The following EMILIN2 variants were observed in gnomAD, a reference collection of about 807,000 sequenced individuals.
EMILIN2 encodes EMILIN-2.
A neutral mutation model predicts 87.1 loss-of-function variants in EMILIN2; 71 were observed. That is an observed-to-expected ratio of 0.82 (90% CI 0.67 to 0.99). The LOEUF is 0.99. Among genes scored for constraint, EMILIN2 ranks in the 50% least tolerant of loss-of-function variants. The probability of loss-of-function intolerance (pLI) is 0.00; values close to 1 mark genes in which losing one functional copy is unlikely to be tolerated. For synonymous variants in EMILIN2, 581 were observed against 563.4 expected (o/e 1.03, Z -0.44); for missense variants, 1,407 against 1,371.8 (o/e 1.03, Z -0.40).
At chr18:2,904,727 GGT>G (rs1277979930) in intron 4 of EMILIN2, among the ~76,000 whole-genome samples, 1 of 152,066 alleles carries the variant, frequency 6.6e-6, no homozygotes, top group Non-Finnish European at 1.5e-5. Context: ...TTCTTTAGTT[GGT>G]GTGGCTTGCT....
rs1555667073 is a variant in EMILIN2, at chr18:2,874,771, A to AC, written c.258-10193_258-10192insC. Among the ~76,000 whole-genome samples the AC allele has an allele frequency of 1.2e-3, 188 of 152,228 alleles. 1 individual carries two copies. Among genetic ancestry groups the AC allele is most frequent in the Non-Finnish European group, 2.2e-3 (149 of 67,984 alleles). ...AGTGTTCCTGTGTTTTCAAATCTAG[A>AC]TTTTTTAAAAACGAGAAGAAATTTT... On this transcript the variant is annotated intron_variant, in intron 2 of 7. Transcript: ENST00000254528.
At chr18:2,906,569 G>A in intron 4 of EMILIN2, 3 of 373,964 alleles carry the variant, frequency 8.0e-6, no homozygotes, top group East Asian at 4.0e-5. Flanking sequence ...CCCCGGCCCC[G>A]GGCAGGGGTC....
intron 2 of EMILIN2, among the ~76,000 whole-genome samples, chr18:2,853,551 G>T (rs180981204): frequency 2.6e-5 from 4 of 152,162 alleles, no homozygotes; most frequent in Non-Finnish European, 4.4e-5. Context: ...AAAGTGCATC[G>T]TGAGAATGTG....
intron 2 of EMILIN2, among the ~76,000 whole-genome samples, chr18:2,861,543 A>G (rs56413934): frequency 0.054 from 8,220 of 152,188 alleles, 745 homozygotes; most frequent in East Asian, 0.48. Flanking sequence ...AGATAGTTGT[A>G]GATATGCAGC....
intron 4 of EMILIN2, among the ~76,000 whole-genome samples, chr18:2,896,490 T>G (rs2076864355): frequency 6.6e-6 from 1 of 151,876 alleles, no homozygotes; most frequent in Non-Finnish European, 1.5e-5. Context: ...ATATATATAT[T>G]TGAGACAGGA....
chr18:2,849,169 T>C (rs1197450678), intron 2 of EMILIN2, among the ~76,000 whole-genome samples: 3 of 152,278 alleles, frequency 2.0e-5, no homozygotes, highest in African/African-American at 2.4e-5. Context: ...CTTAGTAAGA[T>C]TGAGACCTCA....
Position 2,891,567 on chromosome 18 carries a change from T to TG in EMILIN2, c.1442dup (p.Glu482ArgfsTer4). On this transcript the variant is annotated frameshift_variant, in exon 4 of 8. Transcript: ENST00000254528. LOFTEE classifies it high-confidence loss of function. The surrounding 1 kb of genome is among the most constrained non-coding windows in gnomAD (Gnocchi z 4.6). ...AGGAAACCCTTCGGGGCGCCATTAA[T>TG]GGAGAGGTGGGTGACTTGAAGCAGC... 1.2e-6 allele frequency: 2 copies of TG among 1,614,012 alleles called. No individual in the cohort carries two copies. Among genetic ancestry groups the TG allele is most frequent in the South Asian group, 1.1e-5 (1 of 91,078 alleles).
intron 2 of EMILIN2, among the ~76,000 whole-genome samples, chr18:2,884,283 G>A (rs932512263): frequency 5.9e-5 from 9 of 151,724 alleles, no homozygotes; most frequent in East Asian, 1.9e-4. Context: ...AGACAGTCTC[G>A]CTGTGTCTCC....
rs150535335 is a variant in EMILIN2 at position 2,891,217 on chromosome 18, G to A, written c.1090G>A (p.Gly364Arg). The change falls in exon 4 of 8, where the codon GGA becomes AGA. Residue 364 changes from glycine (G) to arginine (R), a missense_variant. Physicochemically the swap from Gly to Arg is moderately radical, Grantham distance 125. Transcript: ENST00000254528. This position sits in a 1 kb window ranked among gnomAD's most constrained non-coding sequence, Gnocchi z 4.6. ...QCDDYGSSYL[G>R]VIELIGEKET... Reference sequence around the variant, plus strand: ...TGATGACTATGGGAGCAGCTACCTGGGAGTGATAGAGCTCATAGGGGAGAA... The same window carrying A: ...TGATGACTATGGGAGCAGCTACCTGAGAGTGATAGAGCTCATAGGGGAGAA... 129 of 1,614,176 alleles carry A rather than the reference G, an allele frequency of 8.0e-5. No individual in the cohort carries two copies. In the African/African-American group the frequency reaches 1.5e-3, roughly 19 times the overall value.
At position 2,892,277 on chromosome 18, in the gene EMILIN2, A is replaced by G; in HGVS notation, c.2150A>G (p.Asp717Gly). Residue 717 changes from aspartate (D) to glycine (G), a missense_variant, in exon 4 of 8, where the codon GAC (aspartate) becomes GGC (glycine). Physicochemically the swap from Asp to Gly is moderately conservative, Grantham distance 94 (BLOSUM62 -1). Transcript: ENST00000254528. ...ATGGAGAAAACTTGCAGCAAGCTGG[A>G]CTCTATCTCAGGAAATCTTCAGAGG... ...SHMEKTCSKL[D>G]SISGNLQRIK... The G allele has an allele frequency of 6.2e-7, 1 of 1,614,044 alleles. No individual in the cohort carries two copies. Among genetic ancestry groups the G allele is most frequent in the Non-Finnish European group, 8.5e-7 (1 of 1,179,988 alleles).
At chr18:2,908,854 TTG>T (rs2076927259) in intron 5 of EMILIN2, 87 bp from the exon 6 acceptor site, 1 of 1,502,478 alleles carries the variant, frequency 6.7e-7, no homozygotes, top group African/African-American at 1.4e-5. Flanking sequence ...CGATTTGAAC[TTG>T]TGAGGAGCAG....
chr18:2,847,447 C>T lies in EMILIN2; in HGVS notation c.134+125C>T, dbSNP rs2076580779. On this transcript the variant is annotated intron_variant, in intron 1 of 7. Coordinates refer to ENST00000254528, the MANE Select transcript of EMILIN2 (RefSeq NM_032048.3). This position sits in a 1 kb window ranked among gnomAD's most constrained non-coding sequence, Gnocchi z 4.5. ...GGGGCCTCCCTTGGACTTCCCCGGG[C>T]GGCTCCCTCTGCGGGGGACCGCGCG... 5 of 1,095,652 alleles carry T rather than the reference C, an allele frequency of 4.6e-6. No homozygotes were observed. The highest frequency in any genetic ancestry group is 4.4e-5 in the Admixed American group (1 of 22,728). The allele number at this position is 1,095,652 out of a possible 1,614,324, so 67.9% of individuals were successfully genotyped here.
chr18:2,909,531 A>G (rs1371297584), intron 6 of EMILIN2, among the ~76,000 whole-genome samples, 160 bp from the exon 7 acceptor site: 2 of 152,158 alleles, frequency 1.3e-5, no homozygotes, highest in Non-Finnish European at 2.9e-5. Flanking sequence ...CAGACAGGGA[A>G]CCCTCTGGCT....
intron 4 of EMILIN2, among the ~76,000 whole-genome samples, chr18:2,903,291 T>C (rs927953854): frequency 1.3e-5 from 2 of 152,058 alleles, no homozygotes; most frequent in South Asian, 4.1e-4. Context: ...AGGAGTCAAC[T>C]CAAGTGTGCT....
rs200139905 is a variant in EMILIN2, at chr18:2,908,987, G to A, written c.2695+12G>A. On this transcript the variant is annotated intron_variant, in intron 6 of 7. Transcript: ENST00000254528. ...TGTAGCTTCCCCAGGTATGTCTGCT[G>A]AGAGACCAGGAGCAGGAGGAGCGGT... 2 of 1,613,114 alleles carry A rather than the reference G, an allele frequency of 1.2e-6. No individual in the cohort carries two copies. Among genetic ancestry groups the A allele is most frequent in the Non-Finnish European group, 1.7e-6 (2 of 1,179,990 alleles).
chr18:2,913,340 A>G lies in EMILIN2; in HGVS notation c.3098A>G (p.Asp1033Gly). 6.2e-7 allele frequency: 1 copy of G among 1,612,546 alleles called. No homozygotes were observed. Residue 1033 changes from aspartate to glycine, a missense_variant, in exon 8 of 8, where the codon GAC becomes GGC. Asp to Gly is a moderately conservative substitution (Grantham distance 94). Coordinates refer to ENST00000254528, the MANE Select transcript of EMILIN2 (RefSeq NM_032048.3). ...VVTGGKLAHTDFDEMYSTFSG... is the reference protein window; with the variant it reads ...VVTGGKLAHTGFDEMYSTFSG... Reference sequence around the variant, plus strand: ...ACTGGGGGCAAGCTGGCTCACACAGACTTTGATGAAATGTACTCCACATTT... The same window carrying G: ...ACTGGGGGCAAGCTGGCTCACACAGGCTTTGATGAAATGTACTCCACATTT...
chr18:2,905,162 C>G (rs369749343), intron 4 of EMILIN2, among the ~76,000 whole-genome samples: 267 of 151,978 alleles, frequency 1.8e-3, no homozygotes, highest in African/African-American at 6.3e-3. Context: ...AGCTCTGTAT[C>G]ATCCTCAGGG....
intron 6 of EMILIN2, among the ~76,000 whole-genome samples, chr18:2,909,195 C>T (rs190036781): frequency 6.6e-6 from 1 of 152,344 alleles, no homozygotes; most frequent in Non-Finnish European, 1.5e-5. Context: ...AGGCCCAAGA[C>T]AAGGAATCTT....
Position 2,909,709 on chromosome 18 carries a change from T to C in EMILIN2, c.2714T>C (p.Leu905Pro). 1 of 1,614,082 alleles carries C rather than the reference T, an allele frequency of 6.2e-7. No homozygotes were observed. The highest frequency in any genetic ancestry group is 8.5e-7 in the Non-Finnish European group (1 of 1,179,950). The change falls in exon 7 of 8, where the codon CTG (leucine) becomes CCG (proline). Residue 905 changes from leucine to proline, a missense_variant. Transcript: ENST00000254528. ...GCTCCAGGAGCTCCGGTGCCTTCTCTGGTGTCTTTTTCTGCGGGGCTCACC... is the reference window on the plus strand; with the variant it reads ...GCTCCAGGAGCTCCGGTGCCTTCTCCGGTGTCTTTTTCTGCGGGGCTCACC... ...VASPGAPVPS[L>P]VSFSAGLTQK...
Sources: allele counts gnomAD v4.1 joint callset (sites outside exome capture counted in the v4.1 genomes callset), GRCh38; gene constraint gnomAD v4.1.1; non-coding constraint Gnocchi (gnomAD v3.1); transcripts MANE v1.5; gene names NCBI Gene and HGNC (gene_info 2026-07-23, HGNC 2026-07-21).